The following ITGA1 variants were observed in gnomAD, a reference collection of about 807,000 sequenced individuals.
The protein encoded by ITGA1 is integrin subunit alpha 1, also known as integrin alpha-1.
ITGA1 carries 85 observed loss-of-function variants against 145.9 expected under a neutral mutation model. That is an observed-to-expected ratio of 0.58 (90% CI 0.49 to 0.70). ITGA1 has a LOEUF of 0.70. Among genes scored for constraint, ITGA1 ranks in the 30% least tolerant of loss-of-function variants. The probability of loss-of-function intolerance (pLI) is 0.00; values close to 1 mark genes in which losing one functional copy is unlikely to be tolerated. For synonymous variants in ITGA1, 520 were observed against 495.3 expected, an observed-to-expected ratio of 1.05 and a Z score of -0.66; for missense variants, 1,351 against 1,418.7, an observed-to-expected ratio of 0.95 and a Z score of 0.77.
At chr5:52,909,173 C>G in intron 13 of ITGA1, 132 bp downstream of exon 13, 1 of 842,618 alleles carries the variant, frequency 1.2e-6, no homozygotes. Context: ...ATTCACTCCA[C>G]CAACCCCTCA....
chr5:52,801,623 G>A (rs368990050), intron 1 of ITGA1: 1 of 1,612,826 alleles, frequency 6.2e-7, no homozygotes, highest in African/African-American at 1.3e-5. Flanking sequence ...TTGCTCATCA[G>A]CGATGAGCTC....
chr5:52,911,664 CAT>C (rs1241585003), intron 14 of ITGA1, among the ~76,000 whole-genome samples: 62 of 102,324 alleles, frequency 6.1e-4, no homozygotes, highest in South Asian at 9.7e-4. Context: ...ATATACTATA[CAT>C]ATAGTGTATC....
At chr5:52,928,568 T>C (rs1185474502) in intron 20 of ITGA1, among the ~76,000 whole-genome samples, 2 of 152,220 alleles carry the variant, frequency 1.3e-5, no homozygotes, top group Admixed American at 6.5e-5. Flanking sequence ...AAGCCACGTA[T>C]GCATTGGCAG....
chr5:52,805,449 G>T (rs1408931890), intron 1 of ITGA1, among the ~76,000 whole-genome samples: 1 of 152,088 alleles, frequency 6.6e-6, no homozygotes, highest in East Asian at 1.9e-4. Flanking sequence ...CTTGCAATAG[G>T]AATGAACAGA....
At chr5:52,848,653 G>A (rs1207374372) in intron 1 of ITGA1, among the ~76,000 whole-genome samples, 1 of 151,938 alleles carries the variant, frequency 6.6e-6, no homozygotes, top group Non-Finnish European at 1.5e-5. Flanking sequence ...ATGTATACAT[G>A]TGCCATGTTG....
chr5:52,897,019 G>A (rs1466174914), intron 9 of ITGA1, among the ~76,000 whole-genome samples: 1 of 152,114 alleles, frequency 6.6e-6, no homozygotes, highest in Non-Finnish European at 1.5e-5. Flanking sequence ...CTTTAAATAT[G>A]TGAATGAAAT....
chr5:52,902,269 C>T (rs1473723864), intron 11 of ITGA1: 1 of 152,184 alleles, frequency 6.6e-6, no homozygotes, highest in African/African-American at 2.4e-5. Context: ...TTCTATTACC[C>T]AAACTGCCTT....
chr5:52,954,080 T>C lies in ITGA1; in HGVS notation c.*1629T>C, dbSNP rs1262255446. 6.6e-6 allele frequency: 1 copy of C among 152,234 alleles called. No homozygotes were observed. Among genetic ancestry groups the C allele is most frequent in the African/African-American group, 2.4e-5 (1 of 41,464 alleles). The allele number at this position is 152,234 out of a possible 1,614,324, so 9.4% of individuals were successfully genotyped here. ...GCCTGTGGGATGCCAAAGCCATCAG[T>C]AGCTGGAAGAAAGAATACCTCTTTC... On this transcript the variant is annotated 3_prime_UTR_variant, in exon 29 of 29. Coordinates refer to ENST00000282588, the MANE Select transcript of ITGA1 (RefSeq NM_181501.2).
chr5:52,861,178 T>C (rs1749593704), intron 2 of ITGA1, among the ~76,000 whole-genome samples: 1 of 152,162 alleles, frequency 6.6e-6, no homozygotes, highest in South Asian at 2.1e-4. Context: ...TACATGTATA[T>C]ACACACATAT....
At chr5:52,853,394 G>A (rs886219653) in intron 2 of ITGA1, among the ~76,000 whole-genome samples, 1 of 152,068 alleles carries the variant, frequency 6.6e-6, no homozygotes, top group Non-Finnish European at 1.5e-5. Context: ...TGACATATTT[G>A]GAGGAACATG....
intron 14 of ITGA1, among the ~76,000 whole-genome samples, 181 bp downstream of exon 14, chr5:52,910,600 C>A (rs1354158834): frequency 6.7e-6 from 1 of 148,976 alleles, no homozygotes; most frequent in Non-Finnish European, 1.5e-5. Context: ...CACACACAAA[C>A]AAACTATAAA....
rs891709221 is a variant in ITGA1, at chr5:52,918,851, G to A, written c.2108G>A (p.Cys703Tyr). The A allele has an allele frequency of 2.0e-5, 32 of 1,605,724 alleles. No individual in the cohort carries two copies. The highest frequency in any genetic ancestry group is 2.6e-5 in the Non-Finnish European group (31 of 1,177,578). ...KETVCINATV[C>Y]FDVKLKSKED... ...ACAGTATGCATAAATGCTACAGTGT[G>A]TTTTGATGTGAAATTAAAGTCTAAA... The change falls in exon 16 of 29, where the codon TGT (cysteine) becomes TAT (tyrosine). Residue 703 changes from cysteine (C) to tyrosine (Y), a missense_variant. Physicochemically the swap from Cys to Tyr is radical, Grantham distance 194. Coordinates refer to ENST00000282588, the MANE Select transcript of ITGA1 (RefSeq NM_181501.2).
Position 52,831,786 on chromosome 5 carries a change from G to A in ITGA1, c.62-17579G>A, listed in dbSNP as rs552732766. Among the ~76,000 whole-genome samples the A allele has an allele frequency of 3.4e-4, 52 of 151,814 alleles. 1 individual carries two copies. In the South Asian group the frequency reaches 9.6e-3, roughly 28 times the overall value. ...TCACATGGGACTTTTATTAATGTCC[G>A]CTGAATGAATATAACATATTCATAA... On this transcript the variant is annotated intron_variant, in intron 1 of 28. Coordinates refer to ENST00000282588, the MANE Select transcript of ITGA1 (RefSeq NM_181501.2).
chr5:52,808,684 T>C (rs376158980), intron 1 of ITGA1, among the ~76,000 whole-genome samples: 1 of 91,660 alleles, frequency 1.1e-5, no homozygotes, highest in Non-Finnish European at 2.6e-5. Flanking sequence ...TTCTTTTTTT[T>C]TTTTTTTTTT....
At chr5:52,937,256 AC>A in intron 23 of ITGA1, 144 bp from the exon 24 acceptor site, 1 of 635,476 alleles carries the variant, frequency 1.6e-6, no homozygotes, top group Non-Finnish European at 2.8e-6. Context: ...AATTCTCTGT[AC>A]AGCACCATAA....
chr5:52,871,637 G>GGGAAGGAA lies in ITGA1; in HGVS notation c.624+5829_624+5836dup, dbSNP rs57115294. ...AAATAAAAAAAAAGAAAAGGAAAGG[G>GGGAAGGAA]GGAAGGAAGGAAGGAAACTTACATT... On this transcript the variant is annotated intron_variant, in intron 6 of 28. Coordinates refer to ENST00000282588, the MANE Select transcript of ITGA1 (RefSeq NM_181501.2). Among the ~76,000 whole-genome samples the GGGAAGGAA allele has an allele frequency of 6.0e-4, 90 of 151,110 alleles. 2 individuals carry two copies. The highest frequency in any genetic ancestry group is 3.4e-3 in the Middle Eastern group (1 of 290).
chr5:52,898,316 A>T lies in ITGA1; in HGVS notation c.1242A>T (p.Ile414=). ...TVVMQKASQI[I]IPRNTTFNVE... ...TCATGCAGAAGGCTAGTCAAATCAT[A>T]ATCCCTCGAAACACAACCTTTAATG... Residue 414 remains isoleucine (I), a synonymous_variant, in exon 11 of 29, where the codon ATA becomes ATT. Coordinates refer to ENST00000282588, the MANE Select transcript of ITGA1 (RefSeq NM_181501.2). 3 of 1,611,790 alleles carry T rather than the reference A, an allele frequency of 1.9e-6. No homozygotes were observed. Among genetic ancestry groups the T allele is most frequent in the Non-Finnish European group, 2.5e-6 (3 of 1,178,482 alleles).
At chr5:52,832,594 C>T (rs975114730) in intron 1 of ITGA1, among the ~76,000 whole-genome samples, 1 of 152,138 alleles carries the variant, frequency 6.6e-6, no homozygotes, top group African/African-American at 2.4e-5. Flanking sequence ...TATTTTCTTA[C>T]ACCTATGGTC....
At chr5:52,802,212 C>T (rs1748503490) in intron 1 of ITGA1, 1 of 167,836 alleles carries the variant, frequency 6.0e-6, no homozygotes, top group African/African-American at 2.4e-5. Flanking sequence ...TTAGAAAAAG[C>T]TTTTGCTATC....
Sources: allele counts gnomAD v4.1 joint callset (sites outside exome capture counted in the v4.1 genomes callset), GRCh38; gene constraint gnomAD v4.1.1; transcripts MANE v1.5; gene names NCBI Gene and HGNC (gene_info 2026-07-23, HGNC 2026-07-21).